Variants in EYS observed in about 807,000 individuals in gnomAD.
EYS encodes protein eyes shut homolog.
EYS carries 250 observed loss-of-function variants against 282.1 expected under a neutral mutation model. The ratio of observed to expected loss-of-function variants is 0.89; its 90% confidence interval spans 0.80 to 0.98. EYS has a LOEUF of 0.98. Ranked by LOEUF, EYS falls within the 50% of genes least tolerant of loss-of-function variation. The probability of loss-of-function intolerance (pLI) is 0.00; values close to 1 mark genes in which losing one functional copy is unlikely to be tolerated. For synonymous variants in EYS, 1,355 were observed against 1,282.9 expected, an observed-to-expected ratio of 1.06 and a Z score of -1.20; for missense variants, 4,016 against 3,709.0, an observed-to-expected ratio of 1.08 and a Z score of -2.15.
At chr6:64,221,189 A>C (rs1247174209) in intron 31 of EYS, among the ~76,000 whole-genome samples, 1 of 152,166 alleles carries the variant, frequency 6.6e-6, no homozygotes, top group Non-Finnish European at 1.5e-5. Context: ...TTTCTTAGTT[A>C]CTACATTTGT....
chr6:65,307,913 C>T (rs912824764), intron 11 of EYS, among the ~76,000 whole-genome samples: 1 of 149,136 alleles, frequency 6.7e-6, no homozygotes, highest in African/African-American at 2.5e-5. Context: ...CTCCCCCACT[C>T]TCCCACTTCT....
At chr6:65,178,279 G>A (rs543080947) in intron 12 of EYS, among the ~76,000 whole-genome samples, 35 of 152,044 alleles carry the variant, frequency 2.3e-4, no homozygotes, top group African/African-American at 2.4e-4. Context: ...CCCTTGCAAC[G>A]TACTGTTCCC....
chr6:64,017,956 G>A (rs1044591758), intron 33 of EYS, among the ~76,000 whole-genome samples: 2 of 152,028 alleles, frequency 1.3e-5, no homozygotes, highest in East Asian at 1.9e-4. Context: ...CCCAATGTTC[G>A]ATTATTTTGT....
intron 2 of EYS, among the ~76,000 whole-genome samples, chr6:65,632,115 A>C (rs1190048846): frequency 6.6e-6 from 1 of 152,146 alleles, no homozygotes; most frequent in Non-Finnish European, 1.5e-5. Flanking sequence ...AAAACCAAAA[A>C]AAAATCCTGA....
intron 31 of EYS, among the ~76,000 whole-genome samples, chr6:64,143,922 C>T (rs1180082873): frequency 6.7e-6 from 1 of 150,296 alleles, no homozygotes. Context: ...GGGGTATCCC[C>T]TTTTGAGCAG....
In EYS at chr6:63,987,201, A is replaced by T. The variant is rs138995358; in HGVS notation, c.6835-2598T>A. ...CTCCAGATAATTCCAACACAGCTACATATTTCCTCCAGCTTTGGAATAGCT... is the reference window on the plus strand; with the variant it reads ...CTCCAGATAATTCCAACACAGCTACTTATTTCCTCCAGCTTTGGAATAGCT... On this transcript the variant is annotated intron_variant, in intron 34 of 42. Coordinates refer to ENST00000503581, the MANE Select transcript of EYS (RefSeq NM_001142800.2). 3.0e-3 allele frequency among the ~76,000 whole-genome samples: 460 copies of T among 151,826 alleles called. 1 individual carries two copies. Among genetic ancestry groups the T allele is most frequent in the African/African-American group, 0.011 (447 of 41,494 alleles).
At chr6:64,625,925 C>T (rs1232620254) in intron 23 of EYS, among the ~76,000 whole-genome samples, 196 bp downstream of exon 23, 1 of 152,134 alleles carries the variant, frequency 6.6e-6, no homozygotes, top group Admixed American at 6.5e-5. Context: ...AGCCTAAGTG[C>T]TTGCTTTCTA....
At chr6:64,196,219 G>A (rs1765283390) in intron 31 of EYS, among the ~76,000 whole-genome samples, 1 of 152,168 alleles carries the variant, frequency 6.6e-6, no homozygotes, top group Admixed American at 6.5e-5. Context: ...AGTTAGAATG[G>A]CAATCATTAA....
intron 5 of EYS, among the ~76,000 whole-genome samples, chr6:65,469,180 T>C (rs1030356866): frequency 6.6e-6 from 1 of 152,156 alleles, no homozygotes; most frequent in Non-Finnish European, 1.5e-5. Flanking sequence ...ACTGGACTTT[T>C]TTCTGTTTTT....
chr6:64,326,414 A>G (rs547225567), intron 29 of EYS, among the ~76,000 whole-genome samples: 1 of 152,306 alleles, frequency 6.6e-6, no homozygotes, highest in South Asian at 2.1e-4. Context: ...AAATGTTGTA[A>G]TGCTGCCTTT....
At chr6:64,578,395 G>C (rs1765949955) in intron 26 of EYS, among the ~76,000 whole-genome samples, 1 of 151,910 alleles carries the variant, frequency 6.6e-6, no homozygotes, top group African/African-American at 2.4e-5. Flanking sequence ...CACAGTACTG[G>C]CTTTTTGCTC....
chr6:65,621,788 T>C (rs1331525294), intron 2 of EYS, among the ~76,000 whole-genome samples: 1 of 152,084 alleles, frequency 6.6e-6, no homozygotes, highest in Non-Finnish European at 1.5e-5. Context: ...GTCTGTAAAG[T>C]ATAATTTTTA....
intron 2 of EYS, among the ~76,000 whole-genome samples, chr6:65,501,711 C>T (rs969092012): frequency 2.0e-5 from 3 of 151,434 alleles, no homozygotes; most frequent in Non-Finnish European, 4.4e-5. Flanking sequence ...TATATAATTC[C>T]ATATATGACA....
intron 2 of EYS, among the ~76,000 whole-genome samples, chr6:65,595,212 C>T (rs148615937): frequency 0.011 from 1,639 of 152,072 alleles, 15 homozygotes; most frequent in Admixed American, 0.017. Context: ...AGCAAACTAT[C>T]GCAAGAACAA....
intron 14 of EYS, among the ~76,000 whole-genome samples, chr6:64,965,170 T>C (rs1029320341): frequency 1.3e-5 from 2 of 152,200 alleles, no homozygotes; most frequent in Admixed American, 6.5e-5. Flanking sequence ...TAGTCTTTTT[T>C]GGATACCATA....
At chr6:63,725,426 T>A (rs1202648772) in intron 42 of EYS, among the ~76,000 whole-genome samples, 2 of 152,130 alleles carry the variant, frequency 1.3e-5, no homozygotes, top group Non-Finnish European at 2.9e-5. Flanking sequence ...CTTACATAGG[T>A]CCCACTTAAC....
chr6:65,536,938 G>A (rs748925946), intron 2 of EYS, among the ~76,000 whole-genome samples: 9 of 152,042 alleles, frequency 5.9e-5, no homozygotes, highest in South Asian at 2.1e-4. Flanking sequence ...ATACGGCAAC[G>A]CTAATAACTA....
chr6:64,085,338 GCGCACACACACA>G (rs1377875694), intron 31 of EYS, among the ~76,000 whole-genome samples: 1 of 85,554 alleles, frequency 1.2e-5, no homozygotes, highest in Non-Finnish European at 2.5e-5. Flanking sequence ...GCACGTGCGC[GCGCACACACACA>G]CACACACACA....
intron 24 of EYS, among the ~76,000 whole-genome samples, chr6:64,603,861 C>CTGTGTGTG (rs34430318): frequency 0.011 from 1,610 of 148,206 alleles, 14 homozygotes; most frequent in African/African-American, 0.02. Flanking sequence ...AAATGAATAC[C>CTGTGTGTG]TGTGTGTGTG....
Sources: gnomAD v4.1 joint callset for allele counts (sites outside exome capture counted in the v4.1 genomes callset) on GRCh38, gnomAD v4.1.1 for gene constraint, MANE v1.5 for transcripts, NCBI Gene and HGNC (gene_info 2026-07-23, HGNC 2026-07-21) for gene names.